MILR1: variants seen among roughly 807,000 people sequenced by gnomAD.
The protein encoded by MILR1 is allergin-1.
In MILR1, 31 loss-of-function variants were observed where a neutral mutation model predicts 18.5. The ratio of observed to expected loss-of-function variants is 1.68; its 90% CI spans 1.26 to 2.26. The LOEUF (loss-of-function observed/expected upper bound fraction) is 2.26. MILR1 is among the 30% of genes most tolerant of loss of function. MILR1 has a pLI of 0.00. For missense variants in MILR1, 257 were observed against 157.4 expected (o/e 1.63, Z -3.38); for synonymous variants, 85 against 56.2 (o/e 1.51, Z -2.30).
chr17:64,485,541 G>C, the MILR1 span: 2 of 615,102 alleles, frequency 3.3e-6, no homozygotes, highest in Non-Finnish European at 2.9e-6. Flanking sequence ...GGGATGCCTT[G>C]TTCTATTCTG....
downstream of MILR1, among the ~76,000 whole-genome samples, chr17:64,470,561 C>T (rs773326961): frequency 3.3e-5 from 5 of 152,154 alleles, no homozygotes; most frequent in African/African-American, 7.2e-5. Context: ...TTCTCAAGAG[C>T]GCTCGCGGGC....
chr17:64,464,058 G>A (rs1007499268), intron 5 of MILR1, among the ~76,000 whole-genome samples: 4 of 150,792 alleles, frequency 2.7e-5, no homozygotes, highest in East Asian at 3.9e-4. Context: ...TTCTGACCTC[G>A]TGATCCGCCC....
At chr17:64,495,061 C>T in the MILR1 span, among the ~76,000 whole-genome samples, 9 of 151,594 alleles carry the variant, frequency 5.9e-5, no homozygotes, top group Non-Finnish European at 1.0e-4. Context: ...TAGTCTAGTC[C>T]CAGCTACTCG....
At position 64,449,223 on chromosome 17, in the gene MILR1, T is replaced by G. The variant is rs1021776119; in HGVS notation, c.55T>G (p.Cys19Gly). The G allele has an allele frequency of 6.3e-6, 3 of 473,580 alleles. No individual in the cohort carries two copies. Among genetic ancestry groups the G allele is most frequent in the Middle Eastern group, 1.2e-3 (2 of 1,660 alleles). 29.3% of individuals were successfully genotyped at this position (473,580 alleles called of 1,614,324 possible). A position where few individuals can be genotyped will look rare whatever the true frequency, so the allele number is the denominator to read the frequency against. Residue 19 changes from cysteine to glycine, a missense_variant and splice_region_variant, in exon 1 of 10, where the codon TGT becomes GGT. Transcript: ENST00000619286. Reference sequence around the variant, plus strand: ...CTGGAGCATATTTTCTTCTGTCACTTGTAAGCCCCCCTTATCATTCTGAGG... The same window carrying G: ...CTGGAGCATATTTTCTTCTGTCACTGGTAAGCCCCCCTTATCATTCTGAGG... ...LFWSIFSSVT[C>G]RKAVLDCEAM...
the MILR1 span, chr17:64,478,025 A>G: frequency 6.3e-7 from 1 of 1,599,146 alleles, no homozygotes; most frequent in Non-Finnish European, 8.6e-7. Context: ...CATGAGCACA[A>G]ATGTAAATAA....
intron 2 of MILR1, among the ~76,000 whole-genome samples, chr17:64,449,922 ATTTC>A (rs1253200155): frequency 0.011 from 1,609 of 147,658 alleles, 13 homozygotes; most frequent in African/African-American, 0.028. Flanking sequence ...TTTGACCTTA[ATTTC>A]TTTCTTTCTT....
downstream of MILR1, among the ~76,000 whole-genome samples, chr17:64,471,864 A>C (rs1278116186): frequency 6.6e-6 from 1 of 152,242 alleles, no homozygotes; most frequent in Non-Finnish European, 1.5e-5. Context: ...TATGTACAGG[A>C]ACTTAGTATA....
At chr17:64,453,390 C>T (rs1199689750) in intron 3 of MILR1, among the ~76,000 whole-genome samples, 1 of 152,000 alleles carries the variant, frequency 6.6e-6, no homozygotes, top group Admixed American at 6.6e-5. Context: ...CTTAATCATT[C>T]CGTTTCACCT....
At chr17:64,490,698 TGTTAAGACACCAC>T in the MILR1 span, 1 of 874,066 alleles carries the variant, frequency 1.1e-6, no homozygotes, top group Non-Finnish European at 1.9e-6. Context: ...CACAATGAAG[TGTTAAGACACCAC>T]GTTTGCACCT....
At chr17:64,476,983 TAA>T in the MILR1 span, among the ~76,000 whole-genome samples, 13 of 152,164 alleles carry the variant, frequency 8.5e-5, no homozygotes, top group African/African-American at 3.1e-4. Flanking sequence ...TATCAACACA[TAA>T]AAGTTAAAAG....
At chr17:64,462,643 C>CTTTTTT in intron 5 of MILR1, among the ~76,000 whole-genome samples, 1 of 142,456 alleles carries the variant, frequency 7.0e-6, no homozygotes. Context: ...CCCACAATTA[C>CTTTTTT]TTTTTTTTTT....
At chr17:64,475,733 A>C in the MILR1 span, among the ~76,000 whole-genome samples, 2 of 151,138 alleles carry the variant, frequency 1.3e-5, no homozygotes, top group African/African-American at 4.9e-5. Flanking sequence ...GCTTTAATGA[A>C]CTCACCACTT....
chr17:64,497,182 T>C, the MILR1 span: 8 of 624,578 alleles, frequency 1.3e-5, no homozygotes, highest in East Asian at 2.7e-5. Flanking sequence ...GATGGTTCTC[T>C]GCTAGCTTGC....
At chr17:64,454,432 A>G (rs2144018160) in intron 3 of MILR1, among the ~76,000 whole-genome samples, 1 of 152,324 alleles carries the variant, frequency 6.6e-6, no homozygotes, top group African/African-American at 2.4e-5. Context: ...TTCCCTCCAC[A>G]GTCTCAGTTA....
At chr17:64,479,616 C>T in the MILR1 span, among the ~76,000 whole-genome samples, 1 of 151,990 alleles carries the variant, frequency 6.6e-6, no homozygotes, top group Non-Finnish European at 1.5e-5. Context: ...TATTTAAAAA[C>T]AACAATTAAT....
intron 5 of MILR1, among the ~76,000 whole-genome samples, chr17:64,464,031 C>T (rs1368961413): frequency 2.6e-5 from 4 of 151,620 alleles, no homozygotes; most frequent in South Asian, 2.1e-4. Context: ...ACTATGTTGG[C>T]CAGGCTGGTC....
the MILR1 span, among the ~76,000 whole-genome samples, chr17:64,482,510 G>A: frequency 1.3e-5 from 2 of 151,778 alleles, no homozygotes; most frequent in East Asian, 1.9e-4. Flanking sequence ...TTAGTAGATG[G>A]GGTTTCACCA....
the MILR1 span, chr17:64,480,243 A>G: frequency 1.3e-6 from 1 of 770,916 alleles, no homozygotes; most frequent in South Asian, 2.0e-5. Flanking sequence ...AACATAATCA[A>G]AAACTCTTGA....
intron 8 of MILR1, among the ~76,000 whole-genome samples, chr17:64,467,290 G>A (rs1488098208): frequency 3.5e-5 from 5 of 142,174 alleles, no homozygotes; most frequent in African/African-American, 1.3e-4. Flanking sequence ...TTTTTTTTTG[G>A]ATAGAGACAA....
Sources: allele counts gnomAD v4.1 joint callset (sites outside exome capture counted in the v4.1 genomes callset), GRCh38; gene constraint gnomAD v4.1.1; transcripts MANE v1.5; gene names NCBI Gene and HGNC (gene_info 2026-07-23, HGNC 2026-07-21).